RABGEF1: variants seen among roughly 807,000 people sequenced by gnomAD.
RABGEF1 encodes the protein RAB guanine nucleotide exchange factor 1, also known as rab5 GDP/GTP exchange factor.
In RABGEF1, 26 loss-of-function variants were observed where a neutral mutation model predicts 57.3. That is an observed-to-expected ratio of 0.45 (90% CI 0.33 to 0.63). The LOEUF (loss-of-function observed/expected upper bound fraction) is 0.63. Ranked by LOEUF, RABGEF1 falls within the 20% of genes least tolerant of loss-of-function variation. RABGEF1 has a pLI of 0.02. For synonymous variants in RABGEF1, 185 were observed against 210.7 expected (o/e 0.88, Z 1.06); for missense variants, 464 against 607.6 (o/e 0.76, Z 2.48).
intron 7 of RABGEF1, 82 bp from the exon 8 acceptor site, chr7:66,805,058 T>G (rs1490835194): frequency 6.9e-7 from 1 of 1,448,932 alleles, no homozygotes; most frequent in Non-Finnish European, 9.5e-7. Flanking sequence ...CTTCATAACT[T>G]TAGAGATAAA....
rs1354708893 is a variant in RABGEF1, at chr7:66,745,662, G to A, written c.-18+4870G>A. Among the ~76,000 whole-genome samples the A allele has an allele frequency of 5.3e-5, 8 of 151,936 alleles. No individual in the cohort carries two copies. The South Asian group carries it at 1.7e-3, about 32-fold the overall frequency. On this transcript the variant is annotated intron_variant, in intron 1 of 8. Transcript: ENST00000284957. ...TGTGCGCCTGTGATCTCAGCTACTC[G>A]GGAGTCTGAGGCACAAGAATCTCTT...
At chr7:66,744,745 G>C (rs1204317501) in intron 1 of RABGEF1, among the ~76,000 whole-genome samples, 1 of 151,152 alleles carries the variant, frequency 6.6e-6, no homozygotes, top group Non-Finnish European at 1.5e-5. Flanking sequence ...AAGGATGTCT[G>C]ACCTGGCTAA....
chr7:66,706,960 T>C (rs1341925611), intron 1 of RABGEF1, among the ~76,000 whole-genome samples: 3 of 151,178 alleles, frequency 2.0e-5, no homozygotes, highest in African/African-American at 7.3e-5. Flanking sequence ...TTTTTTTTGG[T>C]ATTTTTAGTA....
intron 2 of RABGEF1, among the ~76,000 whole-genome samples, chr7:66,721,978 C>T (rs1355244294): frequency 1.3e-5 from 2 of 151,648 alleles, no homozygotes; most frequent in South Asian, 2.1e-4. Flanking sequence ...ATAGTGAGAC[C>T]CCCCCTCCGT....
intron 1 of RABGEF1, among the ~76,000 whole-genome samples, chr7:66,759,767 A>G (rs966671753): frequency 6.6e-6 from 1 of 152,202 alleles, no homozygotes; most frequent in Admixed American, 6.6e-5. Context: ...GAAACCATTC[A>G]TGATTAACTG....
intron 1 of RABGEF1, among the ~76,000 whole-genome samples, chr7:66,750,489 T>C (rs1473808033): frequency 6.6e-6 from 1 of 152,222 alleles, no homozygotes; most frequent in Non-Finnish European, 1.5e-5. Flanking sequence ...GACACAGTTT[T>C]TTCATTACCT....
chr7:66,728,311 T>C (rs1292525061), intron 2 of RABGEF1, among the ~76,000 whole-genome samples: 5 of 152,118 alleles, frequency 3.3e-5, no homozygotes, highest in Non-Finnish European at 7.4e-5. Context: ...TATTGTCTTG[T>C]GGAGAGCCAG....
At chr7:66,769,993 G>A (rs1233737532) in intron 1 of RABGEF1, among the ~76,000 whole-genome samples, 1 of 152,000 alleles carries the variant, frequency 6.6e-6, no homozygotes, top group African/African-American at 2.4e-5. Flanking sequence ...AAGGTCTATC[G>A]CCAGCATCCC....
chr7:66,697,071 C>G (rs911223422), intron 1 of RABGEF1, among the ~76,000 whole-genome samples: 3 of 152,174 alleles, frequency 2.0e-5, no homozygotes, highest in African/African-American at 7.2e-5. Context: ...GGGCACAGGT[C>G]CATCTTCCCT....
chr7:66,668,132 C>G, the RABGEF1 span, among the ~76,000 whole-genome samples: 1 of 152,186 alleles, frequency 6.6e-6, no homozygotes, highest in Non-Finnish European at 1.5e-5. Flanking sequence ...GGGTTTTGCT[C>G]TGTCACCCAA....
the RABGEF1 span, chr7:66,667,663 G>A: frequency 6.6e-6 from 1 of 152,220 alleles, no homozygotes; most frequent in Non-Finnish European, 1.5e-5. Flanking sequence ...ATGAAAAATT[G>A]GTATTAATAA....
intron 1 of RABGEF1, among the ~76,000 whole-genome samples, chr7:66,765,339 G>GT: frequency 6.6e-6 from 1 of 152,310 alleles, no homozygotes. Flanking sequence ...TATTGTTATT[G>GT]TTTCTGTCTA....
At chr7:66,728,736 C>T (rs200612883) in intron 2 of RABGEF1, among the ~76,000 whole-genome samples, 3 of 99,492 alleles carry the variant, frequency 3.0e-5, no homozygotes, top group Non-Finnish European at 6.6e-5. Flanking sequence ...CCACCTTCAC[C>T]TCCATCCTCA....
the RABGEF1 span, chr7:66,665,392 C>A: frequency 2.6e-5 from 4 of 152,014 alleles, no homozygotes; most frequent in Non-Finnish European, 5.9e-5. Context: ...GATCTTCTCA[C>A]CTTGGCTTCC....
At chr7:66,673,923 G>A in the RABGEF1 span, among the ~76,000 whole-genome samples, 1 of 152,110 alleles carries the variant, frequency 6.6e-6, no homozygotes, top group Non-Finnish European at 1.5e-5. Context: ...TAGAAGGACT[G>A]AATTTTTATT....
chr7:66,665,900 A>G, the RABGEF1 span, among the ~76,000 whole-genome samples: 1 of 152,208 alleles, frequency 6.6e-6, no homozygotes, highest in Admixed American at 6.5e-5. Context: ...GAGCACTAGT[A>G]GAAGAGATGT....
At chr7:66,713,684 T>C (rs963409816) in intron 2 of RABGEF1, among the ~76,000 whole-genome samples, 1 of 152,212 alleles carries the variant, frequency 6.6e-6, no homozygotes, top group African/African-American at 2.4e-5. Flanking sequence ...TTGAGGAAGT[T>C]CCCCTTTATT....
the RABGEF1 span, among the ~76,000 whole-genome samples, chr7:66,671,456 T>A: frequency 6.6e-6 from 1 of 152,136 alleles, no homozygotes; most frequent in Non-Finnish European, 1.5e-5. Context: ...AGACCTGGAT[T>A]TCGGGGCTCA....
chr7:66,809,855 A>G lies in RABGEF1; in HGVS notation c.*571A>G, dbSNP rs180683961. On this transcript the variant is annotated 3_prime_UTR_variant, in exon 9 of 9. Coordinates refer to ENST00000284957, the MANE Select transcript of RABGEF1 (RefSeq NM_014504.3). The stretch of plus-strand genomic sequence containing the variant: ...ATTTTATTTGGTTTGTCCCACTAAA[A>G]TGACTCGAGAAGTGTTTAGACAAAC... 89 of 152,798 alleles carry G rather than the reference A, an allele frequency of 5.8e-4. No individual in the cohort carries two copies. Among genetic ancestry groups the G allele is most frequent in the African/African-American group, 2.1e-3 (86 of 41,556 alleles). 9.5% of individuals were successfully genotyped at this position (152,798 alleles called of 1,614,324 possible).
Sources: allele counts gnomAD v4.1 joint callset (sites outside exome capture counted in the v4.1 genomes callset), GRCh38; gene constraint gnomAD v4.1.1; transcripts MANE v1.5; gene names NCBI Gene and HGNC (gene_info 2026-07-23, HGNC 2026-07-21).